Variants in SLC25A13 observed in about 807,000 individuals in gnomAD.
SLC25A13 encodes solute carrier family 25 member 13.
A neutral mutation model predicts 85.5 loss-of-function variants in SLC25A13; 70 were observed. The ratio of observed to expected loss-of-function variants is 0.82; its 90% CI spans 0.68 to 1.00. The LOEUF (loss-of-function observed/expected upper bound fraction) is 1.00, where lower values mean the gene tolerates loss of function less well. Ranked by LOEUF, SLC25A13 falls within the 50% of genes least tolerant of loss-of-function variation. The probability of loss-of-function intolerance (pLI) is 0.00; values close to 1 mark genes in which losing one functional copy is unlikely to be tolerated. For missense variants in SLC25A13, 765 were observed against 819.8 expected (o/e 0.93, Z 0.82); for synonymous variants, 259 against 288.7 (o/e 0.90, Z 1.04).
chr7:96,168,098 GAA>G (rs543491037), intron 13 of SLC25A13, among the ~76,000 whole-genome samples: 154 of 19,628 alleles, frequency 7.8e-3, no homozygotes, highest in African/African-American at 0.012. Flanking sequence ...AACTCTGTCT[GAA>G]AAAAAAAAAA....
chr7:96,287,495 C>A lies in SLC25A13; in HGVS notation c.69+9403G>T, dbSNP rs10241067. ...AAACACTACAGGTGTCTCTCCAGAA[C>A]TCTGCATGAATTCTCACCCTCTCTA... On this transcript the variant is annotated intron_variant, in intron 2 of 17. Coordinates refer to ENST00000265631, the MANE Select transcript of SLC25A13 (RefSeq NM_014251.3). Among the ~76,000 whole-genome samples the A allele has an allele frequency of 5.3e-3, 805 of 152,288 alleles. 9 individuals are homozygous for A. Among genetic ancestry groups the A allele is most frequent in the African/African-American group, 0.018 (764 of 41,566 alleles).
intron 13 of SLC25A13, among the ~76,000 whole-genome samples, chr7:96,159,471 C>T (rs1441148523): frequency 1.3e-5 from 2 of 152,080 alleles, no homozygotes; most frequent in African/African-American, 2.4e-5. Flanking sequence ...GGGGTGACCA[C>T]GTGAGGACAC....
chr7:96,207,046 T>C (rs1356929094), intron 5 of SLC25A13, among the ~76,000 whole-genome samples: 1 of 152,180 alleles, frequency 6.6e-6, no homozygotes, highest in African/African-American at 2.4e-5. Flanking sequence ...AACAATGTCC[T>C]GTGGAAACAG....
intron 5 of SLC25A13, among the ~76,000 whole-genome samples, chr7:96,195,250 CTTAA>C (rs1795016077): frequency 6.6e-6 from 1 of 152,202 alleles, no homozygotes; most frequent in African/African-American, 2.4e-5. Flanking sequence ...ATGTTCACAG[CTTAA>C]TTATTAGGCA....
At chr7:96,299,768 C>T (rs1424893328) in intron 1 of SLC25A13, among the ~76,000 whole-genome samples, 1 of 152,176 alleles carries the variant, frequency 6.6e-6, no homozygotes, top group Non-Finnish European at 1.5e-5. Context: ...TGTACTTATA[C>T]AAACCTAGAT....
intron 9 of SLC25A13, 63 bp from the exon 10 acceptor site, chr7:96,185,074 A>G: frequency 2.3e-6 from 3 of 1,329,956 alleles, no homozygotes; most frequent in Non-Finnish European, 2.1e-6. Flanking sequence ...AGATAAAACA[A>G]AAATGACCAT....
At chr7:96,157,723 C>T (rs1793340555) in intron 13 of SLC25A13, among the ~76,000 whole-genome samples, 2 of 152,072 alleles carry the variant, frequency 1.3e-5, no homozygotes, top group Admixed American at 1.3e-4. Context: ...ATTGCTTGAA[C>T]CCAGGAGGCG....
At chr7:96,203,944 T>A (rs1371465593) in intron 5 of SLC25A13, among the ~76,000 whole-genome samples, 1 of 152,162 alleles carries the variant, frequency 6.6e-6, no homozygotes, top group Non-Finnish European at 1.5e-5. Flanking sequence ...GCCTTAGATC[T>A]GGAGAAAGTG....
intron 2 of SLC25A13, among the ~76,000 whole-genome samples, chr7:96,288,467 G>A (rs752970092): frequency 1.6e-4 from 25 of 152,322 alleles, no homozygotes; most frequent in East Asian, 9.7e-4. Flanking sequence ...GAAGCAGGGC[G>A]AGGCATCGCC....
intron 1 of SLC25A13, among the ~76,000 whole-genome samples, chr7:96,299,041 T>C (rs1353290170): frequency 1.3e-5 from 2 of 152,238 alleles, no homozygotes; most frequent in Non-Finnish European, 2.9e-5. Context: ...TATGGTACCC[T>C]AAGTTCTTAA....
chr7:96,161,824 C>T (rs1400586500), intron 13 of SLC25A13, among the ~76,000 whole-genome samples: 2 of 152,028 alleles, frequency 1.3e-5, no homozygotes, highest in East Asian at 1.9e-4. Context: ...GCGGAGTAGG[C>T]AAAAAGTTCT....
At position 96,296,494 on chromosome 7, in the gene SLC25A13, T is replaced by C. The variant is rs58909121; in HGVS notation, c.69+404A>G. On this transcript the variant is annotated intron_variant, in intron 2 of 17. Coordinates refer to ENST00000265631, the MANE Select transcript of SLC25A13 (RefSeq NM_014251.3). Reference sequence around the variant, plus strand: ...ATGTTGGGATTTTCTTTTTTTTTTTTTTTCTTGAGACAGTCTTGCTCTGTC... The same window carrying C: ...ATGTTGGGATTTTCTTTTTTTTTTTCTTTCTTGAGACAGTCTTGCTCTGTC... Among the ~76,000 whole-genome samples, 1,459 of 152,116 alleles carry C rather than the reference T, an allele frequency of 9.6e-3. 21 individuals carry two copies. Among genetic ancestry groups the C allele is most frequent in the African/African-American group, 0.033 (1,356 of 41,496 alleles).
At chr7:96,278,927 C>T (rs1798562070) in intron 2 of SLC25A13, among the ~76,000 whole-genome samples, 1 of 152,152 alleles carries the variant, frequency 6.6e-6, no homozygotes, top group South Asian at 2.1e-4. Flanking sequence ...CCTAAGTTTG[C>T]CCCTGATAGT....
chr7:96,231,249 G>A (rs1356153171), intron 4 of SLC25A13, among the ~76,000 whole-genome samples: 3 of 152,032 alleles, frequency 2.0e-5, no homozygotes, highest in African/African-American at 7.3e-5. Context: ...AACAAAAATT[G>A]ACAAATGGGA....
Position 96,207,793 on chromosome 7 carries a change from T to A in SLC25A13, c.468+1045A>T, listed in dbSNP as rs576918463. On this transcript the variant is annotated intron_variant, in intron 5 of 17. Transcript: ENST00000265631. Reference sequence around the variant, plus strand: ...TGGCCCAATGATATGATCATATGGGTGGGGGAAGGGGGTCACGAGAGAAGG... The same window carrying A: ...TGGCCCAATGATATGATCATATGGGAGGGGGAAGGGGGTCACGAGAGAAGG... Among the ~76,000 whole-genome samples, 23 of 152,136 alleles carry A rather than the reference T, an allele frequency of 1.5e-4. No individual in the cohort carries two copies. In the South Asian group the frequency reaches 2.3e-3, roughly 15 times the overall value.
At chr7:96,218,658 C>G (rs189388516) in intron 4 of SLC25A13, among the ~76,000 whole-genome samples, 2 of 152,162 alleles carry the variant, frequency 1.3e-5, no homozygotes, top group Non-Finnish European at 2.9e-5. Context: ...AAAAAAGATT[C>G]ATCAAGCTAT....
chr7:96,235,190 T>A (rs1004936072), intron 3 of SLC25A13, among the ~76,000 whole-genome samples: 2 of 152,250 alleles, frequency 1.3e-5, no homozygotes, highest in Admixed American at 1.3e-4. Context: ...ATCATATATG[T>A]TTCAGTCTTC....
Position 96,191,185 on chromosome 7 carries a change from G to A in SLC25A13, c.678C>T (p.Leu226=). 1 of 1,614,016 alleles carries A rather than the reference G, an allele frequency of 6.2e-7. No individual in the cohort carries two copies. Among genetic ancestry groups the A allele is most frequent in the East Asian group, 2.2e-5 (1 of 44,854 alleles). The change falls in exon 7 of 18, where the codon CTC becomes CTT. Residue 226 remains leucine, a synonymous_variant. Transcript: ENST00000265631. ...TTCTAATGAGTTCCATGTTGTTAAG[G>A]AGCGAATTAAATCCATTAAAATAGG... ...SFSYFNGFNS[L]LNNMELIRKI...
chr7:96,128,540 G>C (rs574211045), intron 15 of SLC25A13, among the ~76,000 whole-genome samples: 1 of 152,144 alleles, frequency 6.6e-6, no homozygotes, highest in African/African-American at 2.4e-5. Flanking sequence ...AATCAACAGG[G>C]CAAACTCGGT....
Sources: gnomAD v4.1 joint callset for allele counts (sites outside exome capture counted in the v4.1 genomes callset) on GRCh38, gnomAD v4.1.1 for gene constraint, MANE v1.5 for transcripts, NCBI Gene and HGNC (gene_info 2026-07-23, HGNC 2026-07-21) for gene names.